Variants in AFTPH observed in about 807,000 individuals in gnomAD.
The protein encoded by AFTPH is aftiphilin.
A neutral mutation model predicts 72.5 loss-of-function variants in AFTPH; 7 were observed. The observed-to-expected ratio is 0.10, with a 90% CI of 0.05 to 0.18. The LOEUF (loss-of-function observed/expected upper bound fraction) is 0.18. AFTPH is among the 10% of genes least tolerant of loss of function. The pLI is 1.00. For missense variants in AFTPH, 979 were observed against 1,060.5 expected (o/e 0.92, Z 1.07); for synonymous variants, 337 against 370.1 (o/e 0.91, Z 1.03).
intron 1 of AFTPH, among the ~76,000 whole-genome samples, chr2:64,549,902 T>G (rs1171198087): frequency 2.0e-5 from 3 of 152,230 alleles, no homozygotes; most frequent in African/African-American, 7.2e-5. Context: ...GAATATTTAT[T>G]AACTTTTATA....
At chr2:64,536,575 A>C (rs1449383854) in intron 1 of AFTPH, among the ~76,000 whole-genome samples, 48 of 121,598 alleles carry the variant, frequency 3.9e-4, no homozygotes, top group African/African-American at 2.7e-3. Context: ...TTAAAAAAAA[A>C]AAAAAAAAAA....
Position 64,576,074 on chromosome 2 carries a change from T to TACACAC in AFTPH, c.2394+3045_2394+3050dup, listed in dbSNP as rs55774717. Among the ~76,000 whole-genome samples the TACACAC allele has an allele frequency of 2.9e-3, 370 of 127,746 alleles. 3 individuals carry two copies. Among genetic ancestry groups the TACACAC allele is most frequent in the Non-Finnish European group, 4.6e-3 (274 of 59,334 alleles). The allele number at this position is 127,746 out of a possible 152,430, so 83.8% of individuals were successfully genotyped here. A position where few individuals can be genotyped will look rare whatever the true frequency, so the allele number is the denominator to read the frequency against. ...TTCTTACCACTCTTCTTTGGCATGC[T>TACACAC]ACACACACACACACACACACACACA... On this transcript the variant is annotated intron_variant, in intron 6 of 8. Coordinates refer to ENST00000238856, the Ensembl canonical transcript of AFTPH.
chr2:64,551,176 T>C (rs1354505481), intron 1 of AFTPH, among the ~76,000 whole-genome samples: 1 of 152,208 alleles, frequency 6.6e-6, no homozygotes, highest in Admixed American at 6.5e-5. Flanking sequence ...CCACATTTCA[T>C]TAATGTACTA....
chr2:64,591,880 G>C lies in AFTPH; in HGVS notation c.2580-5G>C, dbSNP rs1189084390. On this transcript the variant is annotated splice_polypyrimidine_tract_variant and splice_region_variant and intron_variant, in intron 8 of 8. Coordinates refer to ENST00000238856, the Ensembl canonical transcript of AFTPH. ...TAACACACTTGTCTTTTTTTCATTTGTCAGTAGGAAACCGAAAAGAGAAGA... is the reference window on the plus strand; with the variant it reads ...TAACACACTTGTCTTTTTTTCATTTCTCAGTAGGAAACCGAAAAGAGAAGA... 1 of 1,608,018 alleles carries C rather than the reference G, an allele frequency of 6.2e-7. No homozygotes were observed. Among genetic ancestry groups the C allele is most frequent in the Non-Finnish European group, 8.5e-7 (1 of 1,178,020 alleles).
chr2:64,553,636 G>C (rs574705042), intron 2 of AFTPH, among the ~76,000 whole-genome samples: 1 of 148,776 alleles, frequency 6.7e-6, no homozygotes, highest in Non-Finnish European at 1.5e-5. Context: ...ATCTCAATGA[G>C]TTTCGTTAAT....
At chr2:64,534,564 A>C (rs910221243) in intron 1 of AFTPH, among the ~76,000 whole-genome samples, 9 of 152,176 alleles carry the variant, frequency 5.9e-5, no homozygotes, top group East Asian at 3.8e-4. Flanking sequence ...AGGTTTCATA[A>C]GTTTACACAA....
At chr2:64,561,743 A>C (rs1671757259) in intron 2 of AFTPH, among the ~76,000 whole-genome samples, 1 of 152,238 alleles carries the variant, frequency 6.6e-6, no homozygotes, top group Non-Finnish European at 1.5e-5. Flanking sequence ...TAGTATTGTA[A>C]CATCAGCTAA....
intron 1 of AFTPH, among the ~76,000 whole-genome samples, chr2:64,541,549 C>G (rs1403535039): frequency 6.6e-6 from 1 of 151,964 alleles, no homozygotes; most frequent in Non-Finnish European, 1.5e-5. Context: ...TAACTAAAAC[C>G]CAAATCTTCA....
intron 2 of AFTPH, among the ~76,000 whole-genome samples, chr2:64,560,007 G>A (rs1671622129): frequency 6.6e-6 from 1 of 152,102 alleles, no homozygotes; most frequent in South Asian, 2.1e-4. Context: ...CTCCGCCCCA[G>A]AATAATGTTT....
chr2:64,551,702 T>G (rs757318464), exon 2 of AFTPH: 1 of 1,613,998 alleles, frequency 6.2e-7, no homozygotes, highest in Non-Finnish European at 8.5e-7. Context: ...AAAATGTAGA[T>G]AGCCTTACAA....
intron 8 of AFTPH, among the ~76,000 whole-genome samples, chr2:64,590,207 CTTA>C (rs1198653967): frequency 6.6e-6 from 1 of 151,698 alleles, no homozygotes; most frequent in Non-Finnish European, 1.5e-5. Context: ...CTTCTGTTTT[CTTA>C]TTAACAGTAG....
At chr2:64,587,158 C>T (rs1425947211) in intron 8 of AFTPH, among the ~76,000 whole-genome samples, 1 of 152,202 alleles carries the variant, frequency 6.6e-6, no homozygotes, top group African/African-American at 2.4e-5. Flanking sequence ...CTTCCAAGCC[C>T]TATCACTTTA....
At chr2:64,579,312 A>T (rs1673021654) in intron 6 of AFTPH, among the ~76,000 whole-genome samples, 174 bp from the exon 7 acceptor site, 1 of 152,200 alleles carries the variant, frequency 6.6e-6, no homozygotes, top group Non-Finnish European at 1.5e-5. Context: ...TAAATTTTGC[A>T]ATTTCAGTTT....
chr2:64,555,196 A>G (rs775002836), intron 2 of AFTPH, among the ~76,000 whole-genome samples: 10 of 152,220 alleles, frequency 6.6e-5, no homozygotes, highest in Non-Finnish European at 1.3e-4. Flanking sequence ...TCTGCTAGAA[A>G]ATAAGAATTT....
At chr2:64,544,435 T>C (rs1019253921) in intron 1 of AFTPH, among the ~76,000 whole-genome samples, 15 of 152,182 alleles carry the variant, frequency 9.9e-5, no homozygotes, top group Non-Finnish European at 1.3e-4. Context: ...ACACACATGC[T>C]TGCTTGTTTG....
intron 1 of AFTPH, among the ~76,000 whole-genome samples, chr2:64,545,063 A>G (rs1670483471): frequency 6.6e-6 from 1 of 152,176 alleles, no homozygotes; most frequent in African/African-American, 2.4e-5. Flanking sequence ...TTGTATTTGC[A>G]TTAATGTCTG....
At chr2:64,551,909 A>C (rs747554606) in exon 2 of AFTPH, 2 of 1,613,706 alleles carry the variant, frequency 1.2e-6, no homozygotes, top group Admixed American at 3.3e-5. Context: ...AGAATGTTGG[A>C]ACACTTGAAA....
At chr2:64,561,761 G>A (rs898888405) in intron 2 of AFTPH, among the ~76,000 whole-genome samples, 11 of 152,180 alleles carry the variant, frequency 7.2e-5, no homozygotes, top group Non-Finnish European at 1.6e-4. Context: ...TAAATATTTA[G>A]TATGCTAAGT....
intron 2 of AFTPH, among the ~76,000 whole-genome samples, chr2:64,566,461 CAG>C (rs1199671076): frequency 6.6e-6 from 1 of 151,744 alleles, no homozygotes; most frequent in Non-Finnish European, 1.5e-5. Flanking sequence ...CACTACAAAA[CAG>C]AAATCAAGCA....
Sources: allele counts gnomAD v4.1 joint callset (sites outside exome capture counted in the v4.1 genomes callset), GRCh38; gene constraint gnomAD v4.1.1; transcripts MANE v1.5; gene names NCBI Gene and HGNC (gene_info 2026-07-23, HGNC 2026-07-21).